The following PRKN variants were observed in gnomAD, a reference collection of about 807,000 sequenced individuals.
PRKN encodes the protein E3 ubiquitin-protein ligase parkin.
PRKN carries 56 observed loss-of-function variants against 59.5 expected under a neutral mutation model. The ratio of observed to expected loss-of-function variants is 0.94; its 90% CI spans 0.76 to 1.18. The LOEUF is 1.18. Among genes scored for constraint, PRKN ranks in the 50% most tolerant of loss-of-function variants. PRKN has a pLI of 0.00. For synonymous variants in PRKN, 250 were observed against 222.1 expected, an observed-to-expected ratio of 1.13 and a Z score of -1.12; for missense variants, 657 against 596.4, an observed-to-expected ratio of 1.10 and a Z score of -1.06.
intron 4 of PRKN, among the ~76,000 whole-genome samples, chr6:162,174,045 A>G (rs1373911713): frequency 6.6e-6 from 1 of 152,218 alleles, no homozygotes; most frequent in African/African-American, 2.4e-5. Context: ...TTTAGAGTAA[A>G]TGTTAAGGAA....
intron 10 of PRKN, among the ~76,000 whole-genome samples, chr6:161,384,397 G>C (rs1786137425): frequency 6.6e-6 from 1 of 151,772 alleles, no homozygotes; most frequent in Non-Finnish European, 1.5e-5. Context: ...ACAAAAAGTA[G>C]CCTGGTGTGG....
At chr6:161,519,089 T>C (rs1444712728) in intron 9 of PRKN, among the ~76,000 whole-genome samples, 1 of 152,054 alleles carries the variant, frequency 6.6e-6, no homozygotes, top group Admixed American at 6.5e-5. Context: ...AGTCTTTGCT[T>C]TGGGAGTATA....
rs190285572 is a variant in PRKN at position 162,241,246 on chromosome 6, C to T, written c.412+21279G>A. 3.2e-3 allele frequency among the ~76,000 whole-genome samples: 483 copies of T among 152,042 alleles called. 3 individuals are homozygous for T. Among genetic ancestry groups the T allele is most frequent in the African/African-American group, 0.011 (466 of 41,486 alleles). ...GATTTTGATTTCCTTAAGAGGTTTT[C>T]TACATTATTTAGATTTGTGAAAGAA... On this transcript the variant is annotated intron_variant, in intron 3 of 11. Coordinates refer to ENST00000366898, the MANE Select transcript of PRKN (RefSeq NM_004562.3).
chr6:161,360,068 T>G lies in PRKN; in HGVS notation c.1285+20A>C. 1 of 1,531,962 alleles carries G rather than the reference T, an allele frequency of 6.5e-7. No individual in the cohort carries two copies. Among genetic ancestry groups the G allele is most frequent in the Non-Finnish European group, 9.1e-7 (1 of 1,104,800 alleles). The allele number at this position is 1,531,962 out of a possible 1,614,324, so 94.9% of individuals were successfully genotyped here. ...CAAAGAGCACACGACATCCTCATTC[T>G]CTGCTCAGCACAGACTCACCATTTT... On this transcript the variant is annotated intron_variant, in intron 11 of 11. Transcript: ENST00000366898. This position sits in a 1 kb window ranked among gnomAD's most constrained non-coding sequence, Gnocchi z 5.1.
At position 162,123,531 on chromosome 6, in the gene PRKN, T is replaced by G. The variant is rs146369699; in HGVS notation, c.535-69357A>C. On this transcript the variant is annotated intron_variant, in intron 4 of 11. Transcript: ENST00000366898. Reference sequence around the variant, plus strand: ...TAATTTTGTGGTTAACTTTATCATTTAAGTTATTCTTTAGGTTATAAGATT... The same window carrying G: ...TAATTTTGTGGTTAACTTTATCATTGAAGTTATTCTTTAGGTTATAAGATT... 3.3e-5 allele frequency among the ~76,000 whole-genome samples: 5 copies of G among 152,362 alleles called. 1 individual carries two copies. The highest frequency in any genetic ancestry group is 3.3e-4 in the Admixed American group (5 of 15,304).
intron 4 of PRKN, among the ~76,000 whole-genome samples, chr6:162,096,882 G>C (rs1388841409): frequency 1.2e-5 from 1 of 84,344 alleles, no homozygotes; most frequent in Non-Finnish European, 2.1e-5. Flanking sequence ...TTTTTTTTGA[G>C]ATGGAGTCTC....
intron 6 of PRKN, among the ~76,000 whole-genome samples, chr6:161,873,289 A>G (rs1794419949): frequency 6.6e-6 from 1 of 150,924 alleles, no homozygotes; most frequent in African/African-American, 2.4e-5. Flanking sequence ...TACCCCAGAC[A>G]CTCATTCTCG....
chr6:161,629,193 G>A (rs756372278), intron 7 of PRKN, among the ~76,000 whole-genome samples: 13 of 152,076 alleles, frequency 8.5e-5, no homozygotes, highest in Admixed American at 1.3e-4. Context: ...CCTTGAAGGC[G>A]TTTGCTCAAA....
chr6:161,520,808 A>C lies in PRKN; in HGVS notation c.1083+28046T>G, dbSNP rs909987555. On this transcript the variant is annotated intron_variant, in intron 9 of 11. Transcript: ENST00000366898. The stretch of plus-strand genomic sequence containing the variant: ...CTTATGATGAGAAAGCTGTTCTTCC[A>C]AATCAAAATGTAGTGAAGACATTTT... Among the ~76,000 whole-genome samples the C allele has an allele frequency of 2.0e-5, 3 of 152,222 alleles. No individual in the cohort carries two copies. The East Asian group carries it at 5.8e-4, about 29-fold the overall frequency.
chr6:162,288,774 C>T (rs755515838), intron 2 of PRKN, among the ~76,000 whole-genome samples: 7 of 152,150 alleles, frequency 4.6e-5, no homozygotes, highest in South Asian at 2.1e-4. Flanking sequence ...TTATAAACAT[C>T]GGATACATTT....
At chr6:162,247,076 G>C (rs897454836) in intron 3 of PRKN, among the ~76,000 whole-genome samples, 10 of 152,002 alleles carry the variant, frequency 6.6e-5, no homozygotes, top group Non-Finnish European at 4.4e-5. Flanking sequence ...GCTACTTTAG[G>C]AGCCTGTAGC....
chr6:162,568,085 C>T (rs1780154630), intron 1 of PRKN, among the ~76,000 whole-genome samples: 1 of 152,110 alleles, frequency 6.6e-6, no homozygotes, highest in Non-Finnish European at 1.5e-5. Context: ...AACTAGACTT[C>T]TATCTCTCAC....
chr6:161,629,418 C>T (rs1189421706), intron 7 of PRKN, among the ~76,000 whole-genome samples: 2 of 152,016 alleles, frequency 1.3e-5, no homozygotes, highest in African/African-American at 4.8e-5. Context: ...CAGTTGCTGC[C>T]CAATCACCCC....
chr6:162,633,312 G>A (rs1169965261), intron 1 of PRKN, among the ~76,000 whole-genome samples: 2 of 151,098 alleles, frequency 1.3e-5, no homozygotes, highest in South Asian at 2.1e-4. Context: ...GTAGGTGCCT[G>A]TAAGCCCAGT....
Position 161,601,589 on chromosome 6 carries a change from T to C in PRKN, c.872-32173A>G, listed in dbSNP as rs535117453. Among the ~76,000 whole-genome samples, 10 of 152,058 alleles carry C rather than the reference T, an allele frequency of 6.6e-5. No homozygotes were observed. In the South Asian group the frequency reaches 2.1e-3, roughly 32 times the overall value. On this transcript the variant is annotated intron_variant, in intron 7 of 11. Coordinates refer to ENST00000366898, the MANE Select transcript of PRKN (RefSeq NM_004562.3). Reference sequence around the variant, plus strand: ...TAGAAATGTCTAATATAGTGGATTTTTTTTTTTTTTTTGGACGGAGTTTCG... The same window carrying C: ...TAGAAATGTCTAATATAGTGGATTTCTTTTTTTTTTTTGGACGGAGTTTCG...
chr6:161,959,512 C>T (rs1156675803), intron 6 of PRKN, among the ~76,000 whole-genome samples: 5 of 152,146 alleles, frequency 3.3e-5, no homozygotes, highest in Non-Finnish European at 5.9e-5. Flanking sequence ...TCTTATCTTT[C>T]CCAAATACTT....
intron 2 of PRKN, among the ~76,000 whole-genome samples, chr6:162,316,373 C>T (rs1265089435): frequency 6.6e-6 from 1 of 152,044 alleles, no homozygotes; most frequent in African/African-American, 2.4e-5. Context: ...CTACTCACTG[C>T]TTCAGCTGAA....
intron 3 of PRKN, among the ~76,000 whole-genome samples, chr6:162,230,741 C>T (rs560734200): frequency 2.0e-5 from 3 of 152,298 alleles, no homozygotes; most frequent in East Asian, 1.9e-4. Flanking sequence ...CAATGAATTG[C>T]ATTCTACAAG....
intron 4 of PRKN, among the ~76,000 whole-genome samples, chr6:162,192,633 A>G (rs914563049): frequency 8.2e-5 from 12 of 146,594 alleles, no homozygotes; most frequent in Admixed American, 4.2e-4. Context: ...TTTTTTTTCT[A>G]TTTTTTGTAG....
Sources: allele counts gnomAD v4.1 joint callset (sites outside exome capture counted in the v4.1 genomes callset), GRCh38; gene constraint gnomAD v4.1.1; non-coding constraint Gnocchi (gnomAD v3.1); transcripts MANE v1.5; gene names NCBI Gene and HGNC (gene_info 2026-07-23, HGNC 2026-07-21).